TTC39B: variants seen among roughly 807,000 people sequenced by gnomAD.
The protein encoded by TTC39B is tetratricopeptide repeat domain 39B, also known as tetratricopeptide repeat protein 39B.
A neutral mutation model predicts 96.6 loss-of-function variants in TTC39B; 92 were observed. That is an observed-to-expected ratio of 0.95 (90% CI 0.80 to 1.13). The LOEUF is 1.13. Ranked by LOEUF, TTC39B falls within the 50% of genes most tolerant of loss-of-function variation. TTC39B has a pLI of 0.00. For synonymous variants in TTC39B, 367 were observed against 299.4 expected (o/e 1.23, Z -2.33); for missense variants, 955 against 809.3 (o/e 1.18, Z -2.18).
chr9:15,265,490 C>T (rs1042598064), intron 2 of TTC39B, among the ~76,000 whole-genome samples: 17 of 152,200 alleles, frequency 1.1e-4, no homozygotes, highest in African/African-American at 4.1e-4. Context: ...ACTGTGATCA[C>T]CTACTATAGC....
At chr9:15,258,721 G>C (rs1001803171) in intron 2 of TTC39B, among the ~76,000 whole-genome samples, 2 of 152,090 alleles carry the variant, frequency 1.3e-5, no homozygotes, top group African/African-American at 4.8e-5. Flanking sequence ...CTGCTCATAG[G>C]GGTTCACTGG....
At chr9:15,253,068 GA>G (rs1185136783) in intron 2 of TTC39B, among the ~76,000 whole-genome samples, 1 of 152,202 alleles carries the variant, frequency 6.6e-6, no homozygotes, top group African/African-American at 2.4e-5. Context: ...TACATACACA[GA>G]TAAACATATG....
At chr9:15,270,412 C>CCTTTAA (rs148009424) in intron 1 of TTC39B, among the ~76,000 whole-genome samples, 3,975 of 152,110 alleles carry the variant, frequency 0.026, 175 homozygotes, top group African/African-American at 0.091. Context: ...TCTGCACTTA[C>CCTTTAA]CAACAATAGG....
intron 8 of TTC39B, among the ~76,000 whole-genome samples, chr9:15,198,470 A>AC (rs1819318265): frequency 6.9e-6 from 1 of 145,108 alleles, no homozygotes. Flanking sequence ...AAATATATAT[A>AC]TATATATATA....
In TTC39B at chr9:15,177,581, G is replaced by A. The variant is rs927429934; in HGVS notation, c.1841+116C>T. On this transcript the variant is annotated intron_variant, in intron 18 of 19. Coordinates refer to ENST00000512701, the Ensembl canonical transcript of TTC39B. ...AACACACTACTGGATTTTCTTTCTG[G>A]TAACACCAAGTAAGAGTTTAGCAGT... 10 of 666,332 alleles carry A rather than the reference G, an allele frequency of 1.5e-5. No individual in the cohort carries two copies. The African/African-American group carries it at 1.8e-4, about 12-fold the overall frequency. The allele number at this position is 666,332 out of a possible 1,614,324, so 41.3% of individuals were successfully genotyped here.
intron 1 of TTC39B, among the ~76,000 whole-genome samples, chr9:15,281,162 AG>A (rs1477861469): frequency 3.9e-5 from 6 of 151,964 alleles, no homozygotes; most frequent in Non-Finnish European, 7.4e-5. Flanking sequence ...CTAAACTAAA[AG>A]GAAAAAAAAT....
chr9:15,214,176 T>G, exon 4 of TTC39B: 2 of 1,614,108 alleles, frequency 1.2e-6, no homozygotes, highest in South Asian at 2.2e-5. Context: ...GTAAATTTGT[T>G]GCTTAGAAAT....
At chr9:15,262,519 G>GTTTTA (rs1021629000) in intron 2 of TTC39B, among the ~76,000 whole-genome samples, 11 of 152,038 alleles carry the variant, frequency 7.2e-5, no homozygotes, top group African/African-American at 2.4e-4. Flanking sequence ...TATTTTAACA[G>GTTTTA]TTTTATTTTA....
chr9:15,224,873 T>A (rs1022696606), intron 3 of TTC39B, among the ~76,000 whole-genome samples: 32 of 152,324 alleles, frequency 2.1e-4, no homozygotes, highest in Admixed American at 1.6e-3. Flanking sequence ...ACCTTTTCTA[T>A]ATATTGCGAG....
chr9:15,235,563 A>G (rs1821740609), intron 2 of TTC39B, among the ~76,000 whole-genome samples: 1 of 152,200 alleles, frequency 6.6e-6, no homozygotes, highest in South Asian at 2.1e-4. Flanking sequence ...GCAACTAGAA[A>G]GAAGGGTCAA....
intron 2 of TTC39B, among the ~76,000 whole-genome samples, chr9:15,256,136 C>A (rs1234472138): frequency 2.0e-5 from 3 of 152,038 alleles, no homozygotes; most frequent in Non-Finnish European, 2.9e-5. Context: ...GGGATTAGTA[C>A]CCTAACAAAA....
At chr9:15,282,749 T>G (rs1341593391) in intron 1 of TTC39B, among the ~76,000 whole-genome samples, 2 of 152,168 alleles carry the variant, frequency 1.3e-5, no homozygotes, top group Non-Finnish European at 2.9e-5. Context: ...ATGATGAAAC[T>G]GGAGCACAGA....
chr9:15,213,912 C>T (rs1820349165), intron 4 of TTC39B, among the ~76,000 whole-genome samples: 1 of 152,038 alleles, frequency 6.6e-6, no homozygotes, highest in South Asian at 2.1e-4. Context: ...AATATCTGAA[C>T]AAGAGAGATT....
chr9:15,271,284 G>C (rs373839239), intron 1 of TTC39B, among the ~76,000 whole-genome samples: 1 of 152,098 alleles, frequency 6.6e-6, no homozygotes, highest in South Asian at 2.1e-4. Context: ...ATTGGAGTCC[G>C]CACACTGTGA....
chr9:15,277,463 T>A (rs1823588667), intron 1 of TTC39B, among the ~76,000 whole-genome samples: 1 of 152,142 alleles, frequency 6.6e-6, no homozygotes, highest in African/African-American at 2.4e-5. Flanking sequence ...CAGAGCCCAA[T>A]GCCACACTGC....
At chr9:15,201,816 C>T (rs1429594245) in intron 7 of TTC39B, among the ~76,000 whole-genome samples, 2 of 152,096 alleles carry the variant, frequency 1.3e-5, no homozygotes. Context: ...AAGTACCCCC[C>T]TCATTTGTGA....
chr9:15,270,740 A>T (rs147774588), intron 1 of TTC39B, among the ~76,000 whole-genome samples: 1,232 of 120,584 alleles, frequency 0.01, 20 homozygotes, highest in African/African-American at 0.04. Context: ...GTATCTAATA[A>T]CTTTTTTATT....
exon 20 of TTC39B, chr9:15,166,991 TATATATATATATATATATATATATATA>T (rs1817531810): frequency 2.2e-4 from 1 of 4,526 alleles, no homozygotes; most frequent in Non-Finnish European, 3.8e-4. Flanking sequence ...TTTATATATA[TATATATATATATATATATATATATATA>T]TATATATATA....
intron 1 of TTC39B, among the ~76,000 whole-genome samples, chr9:15,293,836 T>C (rs1824276858): frequency 6.6e-6 from 1 of 152,188 alleles, no homozygotes; most frequent in Non-Finnish European, 1.5e-5. Context: ...TTTTGGTCCA[T>C]CAAATGTAGC....
Sources: allele counts gnomAD v4.1 joint callset (sites outside exome capture counted in the v4.1 genomes callset), GRCh38; gene constraint gnomAD v4.1.1; transcripts MANE v1.5; gene names NCBI Gene and HGNC (gene_info 2026-07-23, HGNC 2026-07-21).